The following ERMP1 variants were observed in gnomAD, a reference collection of about 807,000 sequenced individuals.
ERMP1 encodes the protein endoplasmic reticulum metallopeptidase 1.
Under a neutral mutation model 92.0 loss-of-function variants are expected in ERMP1, and 86 were observed. The observed-to-expected ratio is 0.93, with a 90% CI of 0.79 to 1.12. ERMP1 has a LOEUF of 1.12. Among genes scored for constraint, ERMP1 ranks in the 50% most tolerant of loss-of-function variants. ERMP1 has a pLI of 0.00. For synonymous variants in ERMP1, 530 were observed against 412.8 expected (o/e 1.28, Z -3.44); for missense variants, 1,342 against 1,116.3 (o/e 1.20, Z -2.88).
intron 4 of ERMP1, among the ~76,000 whole-genome samples, chr9:5,816,305 TGA>T (rs1829303365): frequency 6.6e-6 from 1 of 152,244 alleles, no homozygotes; most frequent in Non-Finnish European, 1.5e-5. Context: ...TAATATTTCT[TGA>T]GTGTGATCAA....
intron 2 of ERMP1, among the ~76,000 whole-genome samples, chr9:5,826,270 C>T (rs1586819069): frequency 6.6e-6 from 1 of 152,204 alleles, no homozygotes; most frequent in South Asian, 2.1e-4. Flanking sequence ...ACTAACGTAA[C>T]TCAGGCAGTA....
chr9:5,811,939 C>A (rs1829111757), intron 6 of ERMP1, among the ~76,000 whole-genome samples, 186 bp downstream of exon 6: 1 of 152,172 alleles, frequency 6.6e-6, no homozygotes, highest in Non-Finnish European at 1.5e-5. Flanking sequence ...ATATTCCTGA[C>A]CTTAATTGCT....
intron 13 of ERMP1, among the ~76,000 whole-genome samples, chr9:5,793,853 A>T (rs1828303351): frequency 1.3e-5 from 2 of 152,142 alleles, no homozygotes; most frequent in Non-Finnish European, 2.9e-5. Context: ...AGAGACTTCA[A>T]CACCCCTCCA....
chr9:5,830,021 G>A (rs1235828208), intron 2 of ERMP1, among the ~76,000 whole-genome samples: 1 of 152,172 alleles, frequency 6.6e-6, no homozygotes, highest in Non-Finnish European at 1.5e-5. Context: ...GATTTTCAGA[G>A]AAAGATTTAC....
Position 5,812,152 on chromosome 9 carries a change from T to C in ERMP1, c.1087A>G (p.Ile363Val), listed in dbSNP as rs758598311. 15 of 1,610,606 alleles carry C rather than the reference T, an allele frequency of 9.3e-6. No homozygotes were observed. The highest frequency in any genetic ancestry group is 1.3e-5 in the Non-Finnish European group (15 of 1,178,088). Reference sequence around the variant, plus strand: ...GCTCTCTGAATGGAATCTGTTAGAATTCTGTCCGCTGTGTCATACTTGGTG... The same window carrying C: ...GCTCTCTGAATGGAATCTGTTAGAACTCTGTCCGCTGTGTCATACTTGGTG... ...YHTKYDTADRILTDSIQRAGD... is the reference protein window; with the variant it reads ...YHTKYDTADRVLTDSIQRAGD... The change falls in exon 6 of 15, where the codon ATT (isoleucine) becomes GTT (valine). Residue 363 changes from isoleucine to valine, a missense_variant. Ile to Val is a conservative substitution (Grantham distance 29). Transcript: ENST00000339450.
upstream of ERMP1, among the ~76,000 whole-genome samples, chr9:5,834,977 A>ATATG (rs566472107): frequency 8.5e-4 from 107 of 125,196 alleles, no homozygotes; most frequent in Non-Finnish European, 1.3e-3. Context: ...GGATAGATAG[A>ATATG]TGTGTGTGTG....
Position 5,805,627 on chromosome 9 carries a change from C to T in ERMP1, c.1707G>A (p.Lys569=). 6.3e-7 allele frequency: 1 copy of T among 1,596,126 alleles called. No homozygotes were observed. Among genetic ancestry groups the T allele is most frequent in the Non-Finnish European group, 8.5e-7 (1 of 1,174,378 alleles). ...FPLLTKLCVH[K]DFKQHGAQGK... ...ATACCCTACCATGCTGCTTGAAGTCCTTATGCACACAGAGCTTTGTGAGCA... is the reference window on the plus strand; with the variant it reads ...ATACCCTACCATGCTGCTTGAAGTCTTTATGCACACAGAGCTTTGTGAGCA... Residue 569 remains lysine (K), a synonymous_variant, in exon 9 of 15, where the codon AAG becomes AAA. Transcript: ENST00000339450.
intron 11 of ERMP1, among the ~76,000 whole-genome samples, chr9:5,799,489 G>A (rs2797516): frequency 0.054 from 8,245 of 151,968 alleles, 712 homozygotes; most frequent in African/African-American, 0.18. Context: ...CTTTATTCAC[G>A]GCAGAAACCA....
At chr9:5,848,897 G>C (rs1830271524) in intron 6 of ERMP1, among the ~76,000 whole-genome samples, 1 of 152,236 alleles carries the variant, frequency 6.6e-6, no homozygotes, top group Non-Finnish European at 1.5e-5. Context: ...ACTTGAAAGA[G>C]GAGGGACCTA....
intron 4 of ERMP1, among the ~76,000 whole-genome samples, chr9:5,821,922 T>C (rs1829551277): frequency 6.6e-6 from 1 of 152,200 alleles, no homozygotes; most frequent in Non-Finnish European, 1.5e-5. Context: ...TGGTGGTTGT[T>C]ACATGTATGT....
chr9:5,797,792 G>T, intron 13 of ERMP1, 25 bp downstream of exon 13: 1 of 1,374,336 alleles, frequency 7.3e-7, no homozygotes, highest in Non-Finnish European at 1.0e-6. Flanking sequence ...TAAAGGAGGG[G>T]AGAAAAAACT....
At chr9:5,803,192 C>T (rs1045265651) in intron 10 of ERMP1, among the ~76,000 whole-genome samples, 1 of 152,144 alleles carries the variant, frequency 6.6e-6, no homozygotes, top group Non-Finnish European at 1.5e-5. Context: ...AGAAAACAGT[C>T]TTACTCTATT....
upstream of ERMP1, among the ~76,000 whole-genome samples, chr9:5,836,150 T>G (rs1830093771): frequency 1.3e-5 from 2 of 152,190 alleles, no homozygotes; most frequent in African/African-American, 4.8e-5. Flanking sequence ...CAGTATTTCC[T>G]AGTAGTTTGG....
intron 13 of ERMP1, among the ~76,000 whole-genome samples, chr9:5,789,157 T>A (rs184697222): frequency 6.6e-6 from 1 of 151,966 alleles, no homozygotes; most frequent in Non-Finnish European, 1.5e-5. Context: ...AATCTACACA[T>A]TGAAAGAGAC....
intron 6 of ERMP1, among the ~76,000 whole-genome samples, chr9:5,850,947 C>T (rs1031554447): frequency 6.6e-6 from 1 of 152,196 alleles, no homozygotes; most frequent in African/African-American, 2.4e-5. Context: ...AACTCCAGAG[C>T]TTTGATCAGT....
At chr9:5,800,753 T>A (rs1258562882) in intron 11 of ERMP1, among the ~76,000 whole-genome samples, 1 of 152,224 alleles carries the variant, frequency 6.6e-6, no homozygotes, top group Non-Finnish European at 1.5e-5. Context: ...CTATCACATA[T>A]CACTTTGAAT....
Position 5,812,897 on chromosome 9 carries a change from T to G in ERMP1, c.1013A>C (p.Asn338Thr), listed in dbSNP as rs142052069. 418 of 1,613,878 alleles carry G rather than the reference T, an allele frequency of 2.6e-4. 2 individuals carry two copies. Among genetic ancestry groups the G allele is most frequent in the Non-Finnish European group, 5.3e-5 (62 of 1,179,874 alleles). ...TDFRIYRDFGNIPGIDLAFIE... is the reference protein window; with the variant it reads ...TDFRIYRDFGTIPGIDLAFIE... Reference sequence around the variant, plus strand: ...AACCATTGACAATATACCTGGAATGTTCCCAAAATCCCTGTAGATACGAAA... The same window carrying G: ...AACCATTGACAATATACCTGGAATGGTCCCAAAATCCCTGTAGATACGAAA... Residue 338 changes from asparagine (N) to threonine (T), a missense_variant, in exon 5 of 15, where the codon AAC becomes ACC. Asn to Thr is a moderately conservative substitution (Grantham distance 65). Coordinates refer to ENST00000339450, the MANE Select transcript of ERMP1 (RefSeq NM_024896.3).
intron 4 of ERMP1, among the ~76,000 whole-genome samples, chr9:5,823,632 A>C (rs1226726838): frequency 6.6e-6 from 1 of 152,204 alleles, no homozygotes; most frequent in Non-Finnish European, 1.5e-5. Context: ...TACTTATCTT[A>C]CATGTTGTTT....
chr9:5,810,364 T>C, intron 7 of ERMP1, 133 bp from the exon 8 acceptor site: 1 of 635,380 alleles, frequency 1.6e-6, no homozygotes, highest in Non-Finnish European at 2.7e-6. Flanking sequence ...GAAAATGTCC[T>C]AGTGTTGAGA....
Sources: gnomAD v4.1 joint callset for allele counts (sites outside exome capture counted in the v4.1 genomes callset) on GRCh38, gnomAD v4.1.1 for gene constraint, MANE v1.5 for transcripts, NCBI Gene and HGNC (gene_info 2026-07-23, HGNC 2026-07-21) for gene names.